The following TRIO variants were observed in gnomAD, a reference collection of about 807,000 sequenced individuals.
TRIO encodes the protein trio Rho guanine nucleotide exchange factor, also known as triple functional domain protein.
TRIO carries 58 observed loss-of-function variants against 351.9 expected under a neutral mutation model. The observed-to-expected ratio is 0.16, with a 90% CI of 0.13 to 0.21. The LOEUF (loss-of-function observed/expected upper bound fraction) is 0.21. Ranked by LOEUF, TRIO falls within the 10% of genes least tolerant of loss-of-function variation. The pLI is 1.00. For missense variants in TRIO, 3,201 were observed against 4,027.8 expected, an observed-to-expected ratio of 0.79 and a Z score of 5.56; for synonymous variants, 1,758 against 1,595.7, an observed-to-expected ratio of 1.10 and a Z score of -2.42.
chr5:14,235,824 A>T, intron 1 of TRIO, among the ~76,000 whole-genome samples: 1 of 151,996 alleles, frequency 6.6e-6, no homozygotes, highest in East Asian at 1.9e-4. Flanking sequence ...TTAATTTTTA[A>T]TTAAAAAAAA....
rs1757530428 is a variant in TRIO, at chr5:14,504,568, A to G, written c.8587A>G (p.Thr2863Ala). 1 of 1,613,782 alleles carries G rather than the reference A, an allele frequency of 6.2e-7. No homozygotes were observed. Residue 2863 changes from threonine to alanine, a missense_variant, in exon 55 of 57, where the codon ACC becomes GCC. Coordinates refer to ENST00000344204, the MANE Select transcript of TRIO (RefSeq NM_007118.4). ...CCTCCTCGACACCTTTGAGACCCCC[A>G]CCAGCTACATCCTGGTCTTAGAAAT... ...VGLLDTFETP[T>A]SYILVLEMAD...
chr5:14,194,228 A>T (rs1406537945), intron 1 of TRIO, among the ~76,000 whole-genome samples: 1 of 152,178 alleles, frequency 6.6e-6, no homozygotes, highest in Non-Finnish European at 1.5e-5. Flanking sequence ...CATTGATCGG[A>T]TTCATATTAT....
chr5:14,162,598 T>A (rs1366420399), intron 1 of TRIO, among the ~76,000 whole-genome samples: 1 of 152,194 alleles, frequency 6.6e-6, no homozygotes, highest in Non-Finnish European at 1.5e-5. Context: ...TCCCCTCAGT[T>A]CCCTGGATAT....
At chr5:14,216,477 G>C (rs1270788924) in intron 1 of TRIO, among the ~76,000 whole-genome samples, 1 of 152,192 alleles carries the variant, frequency 6.6e-6, no homozygotes, top group Non-Finnish European at 1.5e-5. Context: ...TGGATTGTTG[G>C]AGTTGGTGTT....
chr5:14,185,909 A>C (rs947882891), intron 1 of TRIO, among the ~76,000 whole-genome samples: 8 of 152,142 alleles, frequency 5.3e-5, no homozygotes, highest in African/African-American at 1.7e-4. Context: ...ACTGTTTTGC[A>C]ATTTTGAGTA....
chr5:14,216,222 G>A (rs1166254316), intron 1 of TRIO, among the ~76,000 whole-genome samples: 2 of 152,160 alleles, frequency 1.3e-5, no homozygotes, highest in Non-Finnish European at 2.9e-5. Flanking sequence ...CTTTGAGTCT[G>A]CCCATAGCAC....
rs185677275 is a variant in TRIO, at chr5:14,290,712, T to G, written c.541-4T>G. The G allele has an allele frequency of 9.5e-6, 15 of 1,584,086 alleles. No homozygotes were observed. The East Asian group carries it at 3.4e-4, about 36-fold the overall frequency. On this transcript the variant is annotated splice_polypyrimidine_tract_variant and splice_region_variant and intron_variant, in intron 4 of 56. Coordinates refer to ENST00000344204, the MANE Select transcript of TRIO (RefSeq NM_007118.4). ...TTCTCATACGTGATTTTTTTTCCCT[T>G]AAGACAAATATGGTCTCTTTAGAAG...
chr5:14,494,583 G>A (rs1211036999), intron 49 of TRIO, among the ~76,000 whole-genome samples: 1 of 152,200 alleles, frequency 6.6e-6, no homozygotes, highest in African/African-American at 2.4e-5. Context: ...GGAGTAATTT[G>A]GACTTTCAAG....
At chr5:14,453,675 T>G (rs1202609958) in intron 34 of TRIO, among the ~76,000 whole-genome samples, 2 of 152,204 alleles carry the variant, frequency 1.3e-5, no homozygotes, top group Non-Finnish European at 2.9e-5. Flanking sequence ...ACTCAGGCCC[T>G]TTGACAAGTC....
In TRIO at chr5:14,202,294, ATTTTTTTTTTTTTTTTTTTTTT is replaced by A. The variant is rs60827656; in HGVS notation, c.157+58427_157+58448del. Among the ~76,000 whole-genome samples, 51 of 33,564 alleles carry A rather than the reference ATTTTTTTTTTTTTTTTTTTTTT, an allele frequency of 1.5e-3. 1 individual carries two copies. The South Asian group carries it at 0.016, about 10-fold the overall frequency. 22.0% of individuals were successfully genotyped at this position (33,564 alleles called of 152,430 possible). On this transcript the variant is annotated intron_variant, in intron 1 of 56. Transcript: ENST00000344204. ...TTAAAACATTTTGAATATTTTTGTG[ATTTTTTTTTTTTTTTTTTTTTT>A]TTTTTTTTTTTTTTGCTCATCAGCT...
At chr5:14,435,912 G>C (rs1312137720) in intron 34 of TRIO, among the ~76,000 whole-genome samples, 1 of 152,198 alleles carries the variant, frequency 6.6e-6, no homozygotes, top group East Asian at 1.9e-4. Flanking sequence ...AAGCCCTCCT[G>C]GTCCGTTTTG....
At chr5:14,368,148 G>A (rs150236731) in intron 16 of TRIO, among the ~76,000 whole-genome samples, 1 of 152,182 alleles carries the variant, frequency 6.6e-6, no homozygotes. Flanking sequence ...CATTTGCCAT[G>A]CCATTTGCAT....
intron 1 of TRIO, among the ~76,000 whole-genome samples, chr5:14,166,657 C>T (rs1267683272): frequency 2.0e-5 from 3 of 152,126 alleles, no homozygotes; most frequent in Non-Finnish European, 4.4e-5. Flanking sequence ...CAAGAACAAG[C>T]GCTTGCTGCA....
intron 7 of TRIO, among the ~76,000 whole-genome samples, chr5:14,303,270 C>T (rs1399189059): frequency 2.1e-5 from 3 of 139,964 alleles, no homozygotes; most frequent in Non-Finnish European, 3.1e-5. Flanking sequence ...GTTGATGATC[C>T]TGGAGATGGA....
At chr5:14,228,489 G>A (rs1406277635) in intron 1 of TRIO, among the ~76,000 whole-genome samples, 1 of 152,210 alleles carries the variant, frequency 6.6e-6, no homozygotes, top group Non-Finnish European at 1.5e-5. Context: ...TGAATTTCCT[G>A]GGCGCAAAAG....
chr5:14,496,189 A>G (rs747962585), intron 49 of TRIO, among the ~76,000 whole-genome samples: 1 of 152,254 alleles, frequency 6.6e-6, no homozygotes, highest in Admixed American at 6.5e-5. Flanking sequence ...CTAGTATAGT[A>G]TAAACTTAAC....
In TRIO at chr5:14,291,578, C is replaced by T. The variant is rs1274110146; in HGVS notation, c.1053+350C>T. Among the ~76,000 whole-genome samples the T allele has an allele frequency of 2.6e-5, 4 of 151,922 alleles. No homozygotes were observed. In the East Asian group the frequency reaches 7.7e-4, roughly 29 times the overall value. ...CCGAGGTGGGCTGATCACCTGAGGT[C>T]AGGAGATTGAGACCAGTCTGGCCAA... On this transcript the variant is annotated intron_variant, in intron 5 of 56. Coordinates refer to ENST00000344204, the MANE Select transcript of TRIO (RefSeq NM_007118.4).
At chr5:14,173,193 T>TC (rs1293187384) in intron 1 of TRIO, among the ~76,000 whole-genome samples, 3 of 144,766 alleles carry the variant, frequency 2.1e-5, no homozygotes, top group African/African-American at 7.6e-5. Flanking sequence ...TATGTTCCTT[T>TC]TTTTTTTTTT....
intron 9 of TRIO, among the ~76,000 whole-genome samples, chr5:14,323,545 T>C (rs1740090583): frequency 6.6e-6 from 1 of 151,830 alleles, no homozygotes; most frequent in African/African-American, 2.4e-5. Context: ...TTTAGTCCTT[T>C]AGGAGGGAAT....
Sources: allele counts gnomAD v4.1 joint callset (sites outside exome capture counted in the v4.1 genomes callset), GRCh38; gene constraint gnomAD v4.1.1; transcripts MANE v1.5; gene names NCBI Gene and HGNC (gene_info 2026-07-23, HGNC 2026-07-21).